GOLPH3: variants seen among roughly 807,000 people sequenced by gnomAD.
GOLPH3 encodes golgi phosphoprotein 3.
A neutral mutation model predicts 28.5 loss-of-function variants in GOLPH3; 14 were observed. The observed-to-expected ratio is 0.49, with a 90% CI of 0.32 to 0.77. The LOEUF is 0.77. Among genes scored for constraint, GOLPH3 ranks in the 30% least tolerant of loss-of-function variants. GOLPH3 has a pLI of 0.03. For synonymous variants in GOLPH3, 158 were observed against 159.2 expected, an observed-to-expected ratio of 0.99 and a Z score of 0.06; for missense variants, 350 against 393.7, an observed-to-expected ratio of 0.89 and a Z score of 0.94.
chr5:32,158,023 TACACACACACAC>T (rs368465798), intron 1 of GOLPH3, among the ~76,000 whole-genome samples: 16 of 26,752 alleles, frequency 6.0e-4, no homozygotes, highest in African/African-American at 8.1e-4. Context: ...ATAAATAAAA[TACACACACACAC>T]ACACACACAC....
rs892111284 is a variant in GOLPH3 at position 32,127,829 on chromosome 5, G to A, written c.473-1193C>T. ...AATTAGAAATCTCCATAAAATATAC[G>A]AAAAAACTGTTTTCAGACACTAGTC... On this transcript the variant is annotated intron_variant, in intron 3 of 3. Transcript: ENST00000265070. 5.3e-5 allele frequency among the ~76,000 whole-genome samples: 8 copies of A among 151,996 alleles called. No individual in the cohort carries two copies. In the East Asian group the frequency reaches 9.6e-4, roughly 18 times the overall value.
chr5:32,144,651 C>A (rs1485875765), intron 1 of GOLPH3, among the ~76,000 whole-genome samples: 1 of 152,180 alleles, frequency 6.6e-6, no homozygotes, highest in Non-Finnish European at 1.5e-5. Flanking sequence ...CGCCCACAAA[C>A]AAATGGATGG....
At chr5:32,148,532 T>A (rs767221542) in intron 1 of GOLPH3, among the ~76,000 whole-genome samples, 42 of 152,230 alleles carry the variant, frequency 2.8e-4, no homozygotes, top group Non-Finnish European at 5.6e-4. Flanking sequence ...ACATGGTGGC[T>A]CACGCCTGTA....
intron 1 of GOLPH3, among the ~76,000 whole-genome samples, chr5:32,152,017 C>T (rs73065655): frequency 0.023 from 3,425 of 152,164 alleles, 122 homozygotes; most frequent in African/African-American, 0.077. Context: ...TGGAGAAGTT[C>T]TGGAGAGGGA....
chr5:32,157,727 A>G (rs1341654168), intron 1 of GOLPH3, among the ~76,000 whole-genome samples: 6 of 152,204 alleles, frequency 3.9e-5, no homozygotes, highest in Non-Finnish European at 8.8e-5. Context: ...CTCTAATCCC[A>G]GCACTTTGGG....
chr5:32,142,709 G>GC (rs1318132448), intron 2 of GOLPH3, among the ~76,000 whole-genome samples: 2 of 142,426 alleles, frequency 1.4e-5, no homozygotes, highest in Middle Eastern at 4.1e-3. Flanking sequence ...GGGGGGATCA[G>GC]CCCCCCGCCT....
At chr5:32,159,502 C>T (rs900776886) in intron 1 of GOLPH3, among the ~76,000 whole-genome samples, 2 of 152,048 alleles carry the variant, frequency 1.3e-5, no homozygotes, top group Non-Finnish European at 2.9e-5. Context: ...TTTTTCTTTC[C>T]ACACCTGCCA....
chr5:32,155,825 C>T (rs1171792181), intron 1 of GOLPH3, among the ~76,000 whole-genome samples: 1 of 151,342 alleles, frequency 6.6e-6, no homozygotes, highest in Non-Finnish European at 1.5e-5. Flanking sequence ...GGCATGGTGG[C>T]GCATGCCTGT....
chr5:32,166,928 A>G (rs943788387), intron 1 of GOLPH3, among the ~76,000 whole-genome samples: 6 of 151,988 alleles, frequency 3.9e-5, no homozygotes, highest in African/African-American at 1.5e-4. Context: ...TATACTATTT[A>G]ATCTGATTAA....
intron 1 of GOLPH3, among the ~76,000 whole-genome samples, chr5:32,147,886 T>C (rs886349775): frequency 1.3e-5 from 2 of 152,230 alleles, no homozygotes; most frequent in African/African-American, 4.8e-5. Flanking sequence ...ACTCCAGCTC[T>C]ACCACATACT....
chr5:32,167,652 A>C (rs1253760464), intron 1 of GOLPH3, among the ~76,000 whole-genome samples: 16 of 152,182 alleles, frequency 1.1e-4, no homozygotes, highest in Admixed American at 1.0e-3. Flanking sequence ...AATCTTGTTG[A>C]AAAGGTATAA....
intron 1 of GOLPH3, among the ~76,000 whole-genome samples, chr5:32,155,194 T>C (rs1746392745): frequency 1.3e-5 from 2 of 152,140 alleles, no homozygotes; most frequent in African/African-American, 4.8e-5. Flanking sequence ...CCTTTTACTT[T>C]GTTTTTTTAA....
chr5:32,152,810 A>C (rs142687405), intron 1 of GOLPH3, among the ~76,000 whole-genome samples: 51 of 152,092 alleles, frequency 3.4e-4, no homozygotes, highest in African/African-American at 9.2e-4. Flanking sequence ...AAAACAAAAA[A>C]AAAACCCAAA....
At chr5:32,171,834 G>A (rs549361203) in intron 1 of GOLPH3, among the ~76,000 whole-genome samples, 9 of 152,148 alleles carry the variant, frequency 5.9e-5, no homozygotes, top group African/African-American at 2.2e-4. Flanking sequence ...TGTAATCCCA[G>A]CTACTTGGGA....
intron 1 of GOLPH3, among the ~76,000 whole-genome samples, chr5:32,152,872 A>G (rs1279006512): frequency 6.6e-6 from 1 of 152,194 alleles, no homozygotes; most frequent in Non-Finnish European, 1.5e-5. Context: ...TCTCATAACT[A>G]TGATGGGAAT....
At chr5:32,150,507 A>G (rs1478277429) in intron 1 of GOLPH3, among the ~76,000 whole-genome samples, 2 of 151,620 alleles carry the variant, frequency 1.3e-5, no homozygotes, top group African/African-American at 4.8e-5. Flanking sequence ...ACTAGATACT[A>G]AAATAGATTT....
At chr5:32,141,557 C>T (rs1343960179) in intron 2 of GOLPH3, among the ~76,000 whole-genome samples, 1 of 149,112 alleles carries the variant, frequency 6.7e-6, no homozygotes, top group South Asian at 2.1e-4. Flanking sequence ...AAAATTATGG[C>T]TTTTAAAAGC....
rs1247491035 is a variant in GOLPH3, at chr5:32,162,818, C to T, written c.225+10992G>A. 2.0e-5 allele frequency among the ~76,000 whole-genome samples: 3 copies of T among 152,342 alleles called. No individual in the cohort carries two copies. The East Asian group carries it at 5.8e-4, about 29-fold the overall frequency. ...CCATGGCCGGGCGCGGTGGCTCACG[C>T]CTGTAATCCCAGCACTTTGGGAGGC... is the stretch of plus-strand genomic sequence containing the variant. On this transcript the variant is annotated intron_variant, in intron 1 of 3. Transcript: ENST00000265070.
At chr5:32,163,073 G>A (rs370986617) in intron 1 of GOLPH3, among the ~76,000 whole-genome samples, 1 of 152,158 alleles carries the variant, frequency 6.6e-6, no homozygotes, top group Non-Finnish European at 1.5e-5. Context: ...GCGAGACTCC[G>A]TCTCAAAAAT....
Sources: allele counts gnomAD v4.1 joint callset (sites outside exome capture counted in the v4.1 genomes callset), GRCh38; gene constraint gnomAD v4.1.1; transcripts MANE v1.5; gene names NCBI Gene and HGNC (gene_info 2026-07-23, HGNC 2026-07-21).